Variants in PPP1R8 observed in about 807,000 individuals in gnomAD.
The protein encoded by PPP1R8 is protein phosphatase 1 regulatory subunit 8, also known as nuclear inhibitor of protein phosphatase 1.
Under a neutral mutation model 31.3 loss-of-function variants are expected in PPP1R8, and 4 were observed. That is an observed-to-expected ratio of 0.13 (90% CI 0.06 to 0.29). PPP1R8 has a LOEUF of 0.29. Ranked by LOEUF, PPP1R8 falls within the 10% of genes least tolerant of loss-of-function variation. The pLI, the probability that PPP1R8 is intolerant of heterozygous loss-of-function variation, is 1.00. For synonymous variants in PPP1R8, 170 were observed against 169.7 expected (o/e 1.00, Z -0.01); for missense variants, 254 against 440.1 (o/e 0.58, Z 3.78).
At chr1:27,839,432 G>A (rs1318804483) in intron 3 of PPP1R8, among the ~76,000 whole-genome samples, 1 of 152,142 alleles carries the variant, frequency 6.6e-6, no homozygotes, top group Non-Finnish European at 1.5e-5. Context: ...GGAGGCTGAG[G>A]CAGGAGAACC....
In PPP1R8 at chr1:27,831,186, AC is replaced by A. The variant is rs2148612917; in HGVS notation, c.56+296del. 2.5e-6 allele frequency: 3 copies of A among 1,177,462 alleles called. No individual in the cohort carries two copies. The South Asian group carries it at 7.6e-5, about 30-fold the overall frequency. 72.9% of individuals were successfully genotyped at this position (1,177,462 alleles called of 1,614,324 possible). A position where few individuals can be genotyped will look rare whatever the true frequency, so the allele number is the denominator to read the frequency against. On this transcript the variant is annotated intron_variant, in intron 1 of 6. Transcript: ENST00000311772. ...CGCTTCGAGGCCTTGGCCCGAACTT[AC>A]GCCCAACTCTTGACTGAGTGCCTGG... is the stretch of plus-strand genomic sequence containing the variant.
chr1:27,850,142 G>A lies in PPP1R8; in HGVS notation c.752G>A (p.Ser251Asn). 3 of 1,608,092 alleles carry A rather than the reference G, an allele frequency of 1.9e-6. No individual in the cohort carries two copies. Among genetic ancestry groups the A allele is most frequent in the Non-Finnish European group, 2.6e-6 (3 of 1,175,942 alleles). Residue 251 changes from serine to asparagine, a missense_variant, in exon 7 of 7, where the codon AGC (serine) becomes AAC (asparagine). Transcript: ENST00000311772. ...PGSLGLEESGSRRMQNFAFSG... is the reference protein window; with the variant it reads ...PGSLGLEESGNRRMQNFAFSG... ...TCCCTGGGCCTGGAGGAATCAGGGA[G>A]CAGGCGCATGCAGAACTTTGCCTTC... is the stretch of plus-strand genomic sequence containing the variant.
In PPP1R8 at chr1:27,841,034, C is replaced by A. The variant is rs749729862; in HGVS notation, c.292C>A (p.His98Asn). 2.5e-6 allele frequency: 4 copies of A among 1,613,944 alleles called. No individual in the cohort carries two copies. The highest frequency in any genetic ancestry group is 1.7e-5 in the Admixed American group (1 of 59,976). ...CCCAGCACACGGCACTTTCTTGGGT[C>A]ACATTCGGTTGGAACCTCACAAGCC... ...LNSTHGTFLGHIRLEPHKPQQ... is the reference protein window; with the variant it reads ...LNSTHGTFLGNIRLEPHKPQQ... Residue 98 changes from histidine (H) to asparagine (N), a missense_variant, in exon 4 of 7, where the codon CAC (histidine) becomes AAC (asparagine). This residue lies in a region of PPP1R8 where 52 missense variants were observed against 145.3 expected (regional missense o/e 0.36). Coordinates refer to ENST00000311772, the MANE Select transcript of PPP1R8 (RefSeq NM_014110.5).
chr1:27,848,199 G>A (rs754876228), intron 6 of PPP1R8, among the ~76,000 whole-genome samples: 1 of 152,116 alleles, frequency 6.6e-6, no homozygotes, highest in African/African-American at 2.4e-5. Context: ...TCAGGAGATC[G>A]AGACCATCCT....
In PPP1R8 at chr1:27,851,416, T is replaced by TA. The variant is rs1320416017; in HGVS notation, c.*971dup. ...AGGAGACAAAGTTAGGAAACATTGATACAAGCTTTGTACAGAGATTTGTAC... is the reference window on the plus strand; with the variant it reads ...AGGAGACAAAGTTAGGAAACATTGATAACAAGCTTTGTACAGAGATTTGTAC... On this transcript the variant is annotated 3_prime_UTR_variant, in exon 7 of 7. Transcript: ENST00000311772. 1 of 382,934 alleles carries TA rather than the reference T, an allele frequency of 2.6e-6. No individual in the cohort carries two copies. Among genetic ancestry groups the TA allele is most frequent in the Admixed American group, 3.0e-5 (1 of 33,796 alleles). The allele number at this position is 382,934 out of a possible 1,614,324, so 23.7% of individuals were successfully genotyped here. A position where few individuals can be genotyped will look rare whatever the true frequency, so the allele number is the denominator to read the frequency against.
chr1:27,845,554 T>C (rs2089269674), intron 5 of PPP1R8, among the ~76,000 whole-genome samples: 1 of 151,990 alleles, frequency 6.6e-6, no homozygotes, highest in South Asian at 2.1e-4. Context: ...CTTAATCAGC[T>C]TGGATATTTT....
rs2089219896 is a variant in PPP1R8, at chr1:27,841,248, T to G, written c.492+14T>G. On this transcript the variant is annotated intron_variant, in intron 4 of 6. Transcript: ENST00000311772. Reference sequence around the variant, plus strand: ...ACTGAGCTTGATGTAATTCCCTGTTTATGTCATTGTTTTGTCTTTGGGGAC... The same window carrying G: ...ACTGAGCTTGATGTAATTCCCTGTTGATGTCATTGTTTTGTCTTTGGGGAC... 6.2e-7 allele frequency: 1 copy of G among 1,613,124 alleles called. No homozygotes were observed. The highest frequency in any genetic ancestry group is 8.5e-7 in the Non-Finnish European group (1 of 1,179,504).
Position 27,851,243 on chromosome 1 carries a change from T to C in PPP1R8, c.*797T>C. On this transcript the variant is annotated 3_prime_UTR_variant, in exon 7 of 7. Transcript: ENST00000311772. ...TTTCAAAGGATATGACCAGTTGGGG[T>C]AATTCAAATTAAAAAGGAAAAGATT... 3.5e-6 allele frequency: 1 copy of C among 289,192 alleles called. No homozygotes were observed. Among genetic ancestry groups the C allele is most frequent in the Non-Finnish European group, 6.9e-6 (1 of 145,558 alleles). 17.9% of individuals were successfully genotyped at this position (289,192 alleles called of 1,614,324 possible).
At chr1:27,831,172 C>T in intron 1 of PPP1R8, 4 of 1,213,240 alleles carry the variant, frequency 3.3e-6, no homozygotes, top group Non-Finnish European at 4.1e-6. Context: ...GCTTCGAGGC[C>T]TTGGCCCGAA....
chr1:27,838,945 AAG>A (rs2089196663), intron 3 of PPP1R8, 93 bp downstream of exon 3: 5 of 1,267,282 alleles, frequency 3.9e-6, no homozygotes, highest in African/African-American at 3.0e-5. Context: ...TTTATGGAAA[AAG>A]TTAATGTTTG....
At chr1:27,837,986 C>T (rs905596041) in intron 2 of PPP1R8, among the ~76,000 whole-genome samples, 5 of 151,550 alleles carry the variant, frequency 3.3e-5, no homozygotes, top group East Asian at 3.9e-4. Context: ...CCGAGATGGG[C>T]GGATCATAAG....
intron 2 of PPP1R8, among the ~76,000 whole-genome samples, chr1:27,833,279 ATT>A (rs2089130123): frequency 1.3e-5 from 2 of 152,214 alleles, no homozygotes; most frequent in Non-Finnish European, 1.5e-5. Context: ...TTGTGGTGAA[ATT>A]CATTAATTGA....
chr1:27,840,665 A>G (rs950967432), intron 3 of PPP1R8, among the ~76,000 whole-genome samples: 1 of 152,172 alleles, frequency 6.6e-6, no homozygotes, highest in Non-Finnish European at 1.5e-5. Flanking sequence ...CCAAGCCTGT[A>G]TGGCAGCAGA....
At chr1:27,842,880 C>CA (rs2089236370) in intron 4 of PPP1R8, among the ~76,000 whole-genome samples, 1 of 152,148 alleles carries the variant, frequency 6.6e-6, no homozygotes, top group African/African-American at 2.4e-5. Context: ...TCAGCAACAA[C>CA]AAAAAACACA....
intron 2 of PPP1R8, among the ~76,000 whole-genome samples, chr1:27,837,372 A>T (rs1330739045): frequency 2.0e-5 from 3 of 151,056 alleles, no homozygotes; most frequent in Non-Finnish European, 4.4e-5. Context: ...CAGAGCTTGT[A>T]GTGAGCCGAG....
In PPP1R8 at chr1:27,843,442, AG is replaced by A. The variant is rs2089241964; in HGVS notation, c.637+114del. 6.0e-6 allele frequency: 8 copies of A among 1,332,540 alleles called. No individual in the cohort carries two copies. The East Asian group carries it at 1.9e-4, about 32-fold the overall frequency. 82.5% of individuals were successfully genotyped at this position (1,332,540 alleles called of 1,614,324 possible). On this transcript the variant is annotated intron_variant, in intron 5 of 6. Transcript: ENST00000311772. Reference sequence around the variant, plus strand: ...GAGGCCGAGGAGGGTGGATCACTTAAGGTCAAGAGTTCAAGACTAGCCTGGC... The same window carrying A: ...GAGGCCGAGGAGGGTGGATCACTTAAGTCAAGAGTTCAAGACTAGCCTGGC...
intron 2 of PPP1R8, chr1:27,834,484 G>T (rs753692371): frequency 3.9e-6 from 2 of 518,962 alleles, no homozygotes; most frequent in South Asian, 2.8e-5. Flanking sequence ...GGTTTAAGAA[G>T]TGCAATATTA....
At chr1:27,847,514 A>G (rs974055752) in intron 6 of PPP1R8, among the ~76,000 whole-genome samples, 2 of 151,628 alleles carry the variant, frequency 1.3e-5, no homozygotes, top group African/African-American at 2.4e-5. Flanking sequence ...CTCAAAAAAA[A>G]AAAAAAAAGA....
At chr1:27,844,619 G>A (rs1190181637) in intron 5 of PPP1R8, among the ~76,000 whole-genome samples, 3 of 150,820 alleles carry the variant, frequency 2.0e-5, no homozygotes, top group African/African-American at 2.4e-5. Context: ...GAGCTACCGC[G>A]CCCAGCCCAA....
Sources: allele counts gnomAD v4.1 joint callset (sites outside exome capture counted in the v4.1 genomes callset), GRCh38; gene constraint gnomAD v4.1.1; regional missense constraint gnomAD v4.1.1; transcripts MANE v1.5; gene names NCBI Gene and HGNC (gene_info 2026-07-23, HGNC 2026-07-21).